Variants in RMST observed in about 807,000 individuals in gnomAD.
RMST encodes rhabdomyosarcoma 2 associated transcript.
At chr12:97,472,006 T>G (rs145877928) in intron 5 of RMST, among the ~76,000 whole-genome samples, 2 of 152,216 alleles carry the variant, frequency 1.3e-5, no homozygotes, top group East Asian at 3.9e-4. Context: ...AATTCATAGC[T>G]CACTTTGGTC....
chr12:97,526,773 A>C (rs111706440), intron 10 of RMST, among the ~76,000 whole-genome samples: 29 of 152,258 alleles, frequency 1.9e-4, no homozygotes, highest in African/African-American at 7.0e-4. Flanking sequence ...TTCACCCAAG[A>C]TGCTTGTCTT....
chr12:97,491,856 G>A (rs1478022504), intron 5 of RMST: 3 of 499,610 alleles, frequency 6.0e-6, no homozygotes, highest in Non-Finnish European at 1.3e-5. Context: ...TAATTTCATT[G>A]CACTGTGTAA....
At chr12:97,469,994 T>C (rs575666106) in intron 5 of RMST, among the ~76,000 whole-genome samples, 20 of 152,244 alleles carry the variant, frequency 1.3e-4, no homozygotes, top group Admixed American at 3.3e-4. Flanking sequence ...TGGTCTACAC[T>C]GTAAGGCTGA....
At chr12:97,527,050 C>T (rs1464027378) in intron 10 of RMST, among the ~76,000 whole-genome samples, 1 of 152,116 alleles carries the variant, frequency 6.6e-6, no homozygotes, top group Non-Finnish European at 1.5e-5. Flanking sequence ...ACTCTTGTGA[C>T]TCACGACAGA....
At chr12:97,493,919 TA>T (rs1321623310) in exon 8 of RMST, 2 of 152,202 alleles carry the variant, frequency 1.3e-5, no homozygotes, top group Admixed American at 1.3e-4. Context: ...TTTGGAAATA[TA>T]AATCCCATGG....
chr12:97,487,875 G>A (rs897418852), intron 5 of RMST, among the ~76,000 whole-genome samples: 3 of 152,178 alleles, frequency 2.0e-5, no homozygotes, highest in East Asian at 1.9e-4. Flanking sequence ...GAAGTCATTT[G>A]TGTCTTTCCT....
rs112974508 is a variant in RMST, at chr12:97,495,176, T to TGGGGG, written n.1214+299_1214+303dup. On this transcript the variant is annotated intron_variant and non_coding_transcript_variant, in intron 9 of 13. Transcript: ENST00000640149. ...TAAATTATGTACATCATTATTCTTA[T>TGGGGG]GGGGGGGGAGCCGCTGGGAAAGGCA... Among the ~76,000 whole-genome samples the TGGGGG allele has an allele frequency of 3.1e-3, 454 of 146,388 alleles. 2 individuals are homozygous for TGGGGG. Among genetic ancestry groups the TGGGGG allele is most frequent in the East Asian group, 5.1e-3 (25 of 4,860 alleles).
At chr12:97,485,865 C>T (rs944972036) in intron 5 of RMST, among the ~76,000 whole-genome samples, 4 of 152,146 alleles carry the variant, frequency 2.6e-5, no homozygotes, top group Admixed American at 2.0e-4. Flanking sequence ...ACATGTAGGC[C>T]CACCTGGCAG....
At chr12:97,509,335 A>T (rs1303067972) in intron 10 of RMST, among the ~76,000 whole-genome samples, 1 of 152,242 alleles carries the variant, frequency 6.6e-6, no homozygotes, top group Non-Finnish European at 1.5e-5. Flanking sequence ...GCCTTCAAGT[A>T]TAAAAAGCTT....
chr12:97,523,993 G>A lies in RMST; in HGVS notation n.1341-6662G>A, dbSNP rs557472667. ...TGGGAGACTGAAGCGGGAGAATGGC[G>A]TGACCCCGGGAGGCGGAGCTTGCAG... On this transcript the variant is annotated intron_variant and non_coding_transcript_variant, in intron 10 of 13. Transcript: ENST00000640149. 4.8e-5 allele frequency among the ~76,000 whole-genome samples: 7 copies of A among 147,004 alleles called. No individual in the cohort carries two copies. In the East Asian group the frequency reaches 1.3e-3, roughly 27 times the overall value.
chr12:97,528,434 T>A (rs541948572), intron 10 of RMST, among the ~76,000 whole-genome samples: 2 of 152,102 alleles, frequency 1.3e-5, no homozygotes, highest in Admixed American at 1.3e-4. Flanking sequence ...GAAAAAACAT[T>A]GTGTACATAG....
intron 11 of RMST, among the ~76,000 whole-genome samples, chr12:97,538,283 G>A (rs149367279): frequency 1.7e-3 from 256 of 151,558 alleles, no homozygotes; most frequent in Non-Finnish European, 3.3e-3. Flanking sequence ...TAGCAAAACA[G>A]TGCTTATTTT....
intron 11 of RMST, among the ~76,000 whole-genome samples, chr12:97,549,655 C>G (rs559872435): frequency 6.6e-6 from 1 of 152,306 alleles, no homozygotes; most frequent in East Asian, 1.9e-4. Flanking sequence ...CAGCAACATG[C>G]TTTTCACAAA....
exon 3 of RMST, chr12:97,462,836 A>G (rs1203517376): frequency 5.3e-5 from 8 of 152,144 alleles, no homozygotes; most frequent in Admixed American, 6.6e-5. Flanking sequence ...CAGCACTAGC[A>G]CTCTGGAGAA....
chr12:97,476,911 G>T (rs1246440371), intron 5 of RMST, among the ~76,000 whole-genome samples: 1 of 152,170 alleles, frequency 6.6e-6, no homozygotes, highest in Non-Finnish European at 1.5e-5. Flanking sequence ...ATGGAGGAAA[G>T]AATGGTGTGT....
chr12:97,512,897 G>A (rs1159783660), intron 10 of RMST, among the ~76,000 whole-genome samples: 1 of 152,230 alleles, frequency 6.6e-6, no homozygotes, highest in Non-Finnish European at 1.5e-5. Flanking sequence ...GGGAGGCTCA[G>A]GCATGGCAGG....
intron 10 of RMST, among the ~76,000 whole-genome samples, chr12:97,528,008 G>A (rs1592745968): frequency 6.6e-6 from 1 of 152,086 alleles, no homozygotes; most frequent in Non-Finnish European, 1.5e-5. Flanking sequence ...CAGAAAATAT[G>A]CCGAGTTTTA....
At chr12:97,534,313 G>C (rs945279164) in intron 11 of RMST, among the ~76,000 whole-genome samples, 8 of 151,638 alleles carry the variant, frequency 5.3e-5, no homozygotes, top group Non-Finnish European at 1.0e-4. Flanking sequence ...TATCTCTAAA[G>C]TAAGCAATAT....
intron 10 of RMST, among the ~76,000 whole-genome samples, chr12:97,514,778 G>A (rs1177853853): frequency 6.6e-6 from 1 of 151,658 alleles, no homozygotes; most frequent in Non-Finnish European, 1.5e-5. Flanking sequence ...GACAACCTTG[G>A]GACTTATAAA....
Sources: allele counts gnomAD v4.1 joint callset (sites outside exome capture counted in the v4.1 genomes callset), GRCh38; gene constraint gnomAD v4.1.1; transcripts MANE v1.5; gene names NCBI Gene and HGNC (gene_info 2026-07-23, HGNC 2026-07-21).